BANF2: variants seen among roughly 807,000 people sequenced by gnomAD.
BANF2 encodes barrier-to-autointegration factor-like protein.
BANF2 carries 4 observed loss-of-function variants against 8.0 expected under a neutral mutation model. The ratio of observed to expected loss-of-function variants is 0.50; its 90% confidence interval spans 0.25 to 1.14. The LOEUF is 1.14. Among genes scored for constraint, BANF2 ranks in the 50% most tolerant of loss-of-function variants. The pLI is 0.16. For missense variants in BANF2, 96 were observed against 107.5 expected, an observed-to-expected ratio of 0.89 and a Z score of 0.47; for synonymous variants, 50 against 40.6, an observed-to-expected ratio of 1.23 and a Z score of -0.88.
chr20:17,706,727 T>C (rs1279190306), intron 1 of BANF2, among the ~76,000 whole-genome samples: 1 of 152,320 alleles, frequency 6.6e-6, no homozygotes, highest in East Asian at 1.9e-4. Context: ...CTTCTGCCTT[T>C]TCACTGCCAC....
intron 3 of BANF2, among the ~76,000 whole-genome samples, chr20:17,728,145 C>T (rs2037836441): frequency 6.6e-6 from 1 of 152,190 alleles, no homozygotes; most frequent in Non-Finnish European, 1.5e-5. Context: ...AGCCATCACC[C>T]TCCCCTGCTC....
intron 3 of BANF2, among the ~76,000 whole-genome samples, chr20:17,732,198 C>T (rs951166039): frequency 1.3e-5 from 2 of 152,266 alleles, no homozygotes; most frequent in African/African-American, 2.4e-5. Flanking sequence ...AAACATGGCT[C>T]AGATGCAAGG....
At chr20:17,725,365 C>T (rs1220348506) in intron 3 of BANF2, among the ~76,000 whole-genome samples, 3 of 152,240 alleles carry the variant, frequency 2.0e-5, no homozygotes, top group Non-Finnish European at 4.4e-5. Context: ...CATAGAATGG[C>T]TTCAGTTCAG....
rs183496310 is a variant in BANF2 at position 17,725,922 on chromosome 20, C to T, written c.126+771C>T. ...CAAAGAGGCTGGGAACTGCTGCACA[C>T]ATGGCTGACGACTAGTTTGGTTTGC... On this transcript the variant is annotated intron_variant, in intron 3 of 3. Coordinates refer to ENST00000246090, the MANE Select transcript of BANF2 (RefSeq NM_178477.5). 1.4e-4 allele frequency among the ~76,000 whole-genome samples: 22 copies of T among 152,322 alleles called. No individual in the cohort carries two copies. In the East Asian group the frequency reaches 3.7e-3, roughly 25 times the overall value.
intron 1 of BANF2, among the ~76,000 whole-genome samples, chr20:17,718,165 A>G (rs1424758310): frequency 1.3e-5 from 2 of 152,166 alleles, no homozygotes; most frequent in Non-Finnish European, 2.9e-5. Context: ...TGGTATTCTA[A>G]TGGGAGTCAC....
intron 1 of BANF2, among the ~76,000 whole-genome samples, chr20:17,715,662 G>A (rs1369333516): frequency 6.6e-6 from 1 of 152,248 alleles, no homozygotes; most frequent in Non-Finnish European, 1.5e-5. Flanking sequence ...AGCACTCTGG[G>A]TGGAATGGGG....
chr20:17,719,098 G>C (rs544148356), intron 1 of BANF2, among the ~76,000 whole-genome samples: 3 of 152,236 alleles, frequency 2.0e-5, no homozygotes, highest in African/African-American at 7.2e-5. Context: ...GCTTTGCCAG[G>C]TGCATGGTTG....
At chr20:17,703,781 G>A (rs1231400559) in intron 1 of BANF2, among the ~76,000 whole-genome samples, 5 of 132,886 alleles carry the variant, frequency 3.8e-5, no homozygotes, top group Middle Eastern at 5.7e-3. Context: ...TTGCTCTGTT[G>A]CCCAGGCTGG....
At chr20:17,734,931 A>G (rs1010918766) in intron 3 of BANF2, among the ~76,000 whole-genome samples, 5 of 152,142 alleles carry the variant, frequency 3.3e-5, no homozygotes, top group Non-Finnish European at 7.3e-5. Flanking sequence ...TACTAAAAAT[A>G]TGAAAATTAG....
intron 1 of BANF2, among the ~76,000 whole-genome samples, chr20:17,717,608 A>T (rs917054335): frequency 6.6e-6 from 1 of 152,180 alleles, no homozygotes; most frequent in African/African-American, 2.4e-5. Context: ...AAAAAAGGAA[A>T]CAAGATCTTT....
At chr20:17,723,663 C>T (rs1485154649) in intron 2 of BANF2, among the ~76,000 whole-genome samples, 5 of 152,184 alleles carry the variant, frequency 3.3e-5, no homozygotes, top group Admixed American at 2.0e-4. Context: ...TGAGAAGAGA[C>T]ATTCAAGCGG....
At chr20:17,724,942 T>C in intron 2 of BANF2, 81 bp from the exon 3 acceptor site, 1 of 1,395,242 alleles carries the variant, frequency 7.2e-7, no homozygotes, top group Non-Finnish European at 9.8e-7. Flanking sequence ...CTTGGTGGGC[T>C]GAGGGAGTTC....
At chr20:17,719,476 G>A (rs1179260947) in intron 1 of BANF2, among the ~76,000 whole-genome samples, 1 of 151,924 alleles carries the variant, frequency 6.6e-6, no homozygotes, top group Non-Finnish European at 1.5e-5. Context: ...TTAGGCCTTG[G>A]TTTTCTTATG....
In BANF2 at chr20:17,725,032, A is replaced by C. The variant is rs4814640; in HGVS notation, c.7A>C (p.Asn3His). Residue 3 changes from asparagine (N) to histidine (H), a missense_variant, in exon 3 of 4, where the codon AAC becomes CAC. Physicochemically the swap from Asn to His is moderately conservative, Grantham distance 68. Transcript: ENST00000246090. ...CCCACTGCTGTCGCAGGAGATGGAC[A>C]ACATGTCTCCCAGGCTGAGAGCCTT... MD[N>H]MSPRLRAFLS... 1.9e-6 allele frequency: 3 copies of C among 1,606,516 alleles called. No individual in the cohort carries two copies. Among genetic ancestry groups the C allele is most frequent in the Non-Finnish European group, 2.6e-6 (3 of 1,173,290 alleles).
rs2037384113 is a variant in BANF2 at position 17,699,966 on chromosome 20, A to G, written c.-256A>G. The G allele has an allele frequency of 1.0e-6, 1 of 985,152 alleles. No homozygotes were observed. The highest frequency in any genetic ancestry group is 1.7e-5 in the African/African-American group (1 of 57,342). The allele number at this position is 985,152 out of a possible 1,614,324, so 61.0% of individuals were successfully genotyped here. On this transcript the variant is annotated 5_prime_UTR_variant, in exon 1 of 4. Transcript: ENST00000246090. Reference sequence around the variant, plus strand: ...TGAGACTGATTTGCCCCATGGGCCTAAGACATAAGCTGAACCTCTGGCCTG... The same window carrying G: ...TGAGACTGATTTGCCCCATGGGCCTGAGACATAAGCTGAACCTCTGGCCTG...
chr20:17,704,927 G>T (rs1309586474), intron 1 of BANF2, among the ~76,000 whole-genome samples: 1 of 152,168 alleles, frequency 6.6e-6, no homozygotes, highest in Non-Finnish European at 1.5e-5. Context: ...CAGCAAGAAG[G>T]GGGCACCACT....
intron 1 of BANF2, among the ~76,000 whole-genome samples, chr20:17,711,245 C>A (rs957814654): frequency 1.3e-5 from 2 of 152,188 alleles, no homozygotes; most frequent in African/African-American, 2.4e-5. Context: ...TGCCTGCCCC[C>A]AGATGGCCTC....
intron 1 of BANF2, among the ~76,000 whole-genome samples, chr20:17,713,901 A>G (rs534218481): frequency 3.9e-5 from 6 of 152,236 alleles, no homozygotes; most frequent in Admixed American, 6.5e-5. Context: ...TGTGTATTTT[A>G]CCACAATTAA....
At chr20:17,716,471 C>T (rs1310917730) in intron 1 of BANF2, among the ~76,000 whole-genome samples, 1 of 152,146 alleles carries the variant, frequency 6.6e-6, no homozygotes, top group African/African-American at 2.4e-5. Context: ...GTATCTGGGA[C>T]CACAGGTGTG....
Sources: allele counts gnomAD v4.1 joint callset (sites outside exome capture counted in the v4.1 genomes callset), GRCh38; gene constraint gnomAD v4.1.1; transcripts MANE v1.5; gene names NCBI Gene and HGNC (gene_info 2026-07-23, HGNC 2026-07-21).